Variants in PLCH1 observed in about 807,000 individuals in gnomAD.
PLCH1 encodes 1-phosphatidylinositol 4,5-bisphosphate phosphodiesterase eta-1.
PLCH1 carries 60 observed loss-of-function variants against 126.7 expected under a neutral mutation model. That is an observed-to-expected ratio of 0.47 (90% confidence interval 0.38 to 0.59). The LOEUF is 0.59. PLCH1 is among the 20% of genes least tolerant of loss of function. PLCH1 has a pLI of 0.00. For missense variants in PLCH1, 1,723 were observed against 2,040.0 expected (o/e 0.84, Z 2.99); for synonymous variants, 719 against 734.9 (o/e 0.98, Z 0.35).
intron 6 of PLCH1, among the ~76,000 whole-genome samples, chr3:155,577,509 A>G (rs997968686): frequency 2.6e-5 from 4 of 152,114 alleles, no homozygotes; most frequent in Non-Finnish European, 5.9e-5. Context: ...AATAAAGTGG[A>G]CCACATATAA....
intron 21 of PLCH1, among the ~76,000 whole-genome samples, chr3:155,458,582 G>GAAA (rs1560027635): frequency 6.7e-6 from 1 of 148,934 alleles, no homozygotes; most frequent in African/African-American, 2.5e-5. Context: ...AAGAAAGAAA[G>GAAA]GAAGAAAGAA....
At chr3:155,739,219 T>C (rs191594274) in intron 1 of PLCH1, among the ~76,000 whole-genome samples, 11 of 152,290 alleles carry the variant, frequency 7.2e-5, no homozygotes, top group Admixed American at 2.0e-4. Context: ...TTGAAAAACA[T>C]TGCAAAACAC....
chr3:155,714,055 A>C (rs1403573918), intron 1 of PLCH1, among the ~76,000 whole-genome samples: 1 of 152,180 alleles, frequency 6.6e-6, no homozygotes, highest in Admixed American at 6.5e-5. Context: ...AATATTCATA[A>C]AACAACAAGC....
At chr3:155,456,311 T>G (rs1712439155) in intron 21 of PLCH1, among the ~76,000 whole-genome samples, 1 of 143,242 alleles carries the variant, frequency 7.0e-6, no homozygotes, top group African/African-American at 2.6e-5. Flanking sequence ...TAAAATACAC[T>G]AACACTAATG....
intron 12 of PLCH1, among the ~76,000 whole-genome samples, chr3:155,505,484 G>A (rs1021297728): frequency 1.3e-5 from 2 of 152,158 alleles, no homozygotes; most frequent in South Asian, 2.1e-4. Context: ...AGAAGAAGCA[G>A]GTAACCACAT....
At chr3:155,499,118 A>G (rs1359721693) in intron 14 of PLCH1, among the ~76,000 whole-genome samples, 1 of 152,208 alleles carries the variant, frequency 6.6e-6, no homozygotes, top group East Asian at 1.9e-4. Flanking sequence ...AGTGGGTGTG[A>G]AGAGGTATTC....
chr3:155,725,212 T>G (rs1015173015), intron 1 of PLCH1, among the ~76,000 whole-genome samples: 1 of 152,176 alleles, frequency 6.6e-6, no homozygotes, highest in Admixed American at 6.5e-5. Context: ...AGAAATCTAC[T>G]GTTAATCTGA....
intron 21 of PLCH1, among the ~76,000 whole-genome samples, chr3:155,470,739 C>G (rs1377485223): frequency 6.6e-6 from 1 of 151,728 alleles, no homozygotes; most frequent in East Asian, 1.9e-4. Flanking sequence ...CGGCAGAAAC[C>G]CTACAAGCCA....
rs1415982156 is a variant in PLCH1 at position 155,543,637 on chromosome 3, AG to A, written c.1362+6149del. Reference sequence around the variant, plus strand: ...GAAAAAATGTTAAGGGCAGCCAGAGAGAAAGGTCGGGTTACCCACAAAGGGA... The same window carrying A: ...GAAAAAATGTTAAGGGCAGCCAGAGAAAAGGTCGGGTTACCCACAAAGGGA... On this transcript the variant is annotated intron_variant, in intron 10 of 22. Transcript: ENST00000460012. Among the ~76,000 whole-genome samples, 12 of 152,236 alleles carry A rather than the reference AG, an allele frequency of 7.9e-5. 1 individual carries two copies. Among genetic ancestry groups the A allele is most frequent in the African/African-American group, 2.9e-4 (12 of 41,530 alleles).
chr3:155,609,010 T>A (rs1734730127), intron 2 of PLCH1, among the ~76,000 whole-genome samples: 1 of 152,164 alleles, frequency 6.6e-6, no homozygotes, highest in Non-Finnish European at 1.5e-5. Flanking sequence ...GCAAATTCCA[T>A]CTCATGCAAC....
At chr3:155,502,366 T>C (rs73154233) in intron 13 of PLCH1, among the ~76,000 whole-genome samples, 9,247 of 152,272 alleles carry the variant, frequency 0.061, 374 homozygotes, top group South Asian at 0.087. Context: ...TCAATATTTA[T>C]TAAAATAATC....
intron 2 of PLCH1, 111 bp from the exon 3 acceptor site, chr3:155,596,489 C>T (rs1173439385): frequency 1.3e-5 from 11 of 825,814 alleles, no homozygotes; most frequent in Non-Finnish European, 2.0e-5. Context: ...ACTCCAAGGA[C>T]CAGAACAAAT....
intron 6 of PLCH1, among the ~76,000 whole-genome samples, chr3:155,579,433 AT>A (rs1199699034): frequency 6.6e-6 from 1 of 152,216 alleles, no homozygotes; most frequent in East Asian, 1.9e-4. Context: ...TATCAAAACC[AT>A]TTTATAAGTC....
chr3:155,538,968 C>T (rs577593298), intron 10 of PLCH1, among the ~76,000 whole-genome samples: 215 of 150,438 alleles, frequency 1.4e-3, no homozygotes, highest in African/African-American at 5.1e-3. Flanking sequence ...AAATTACAGA[C>T]CAATATCGCT....
chr3:155,694,277 G>C lies in PLCH1; in HGVS notation c.79+9869C>G, dbSNP rs943612119. 2.0e-5 allele frequency among the ~76,000 whole-genome samples: 3 copies of C among 152,114 alleles called. No homozygotes were observed. In the East Asian group the frequency reaches 5.8e-4, roughly 29 times the overall value. On this transcript the variant is annotated intron_variant, in intron 2 of 22. Transcript: ENST00000460012. ...TTCCCCATACCCTGGCCACACCCCAGACCAAAAAATCAGAGCCTCTGAGCT... is the reference window on the plus strand; with the variant it reads ...TTCCCCATACCCTGGCCACACCCCACACCAAAAAATCAGAGCCTCTGAGCT...
chr3:155,650,441 G>A (rs576564016), intron 2 of PLCH1, among the ~76,000 whole-genome samples: 6 of 152,236 alleles, frequency 3.9e-5, no homozygotes, highest in African/African-American at 1.4e-4. Flanking sequence ...GATCTAGTAG[G>A]AATCGCTATG....
At chr3:155,671,710 A>G (rs1005491044) in intron 2 of PLCH1, among the ~76,000 whole-genome samples, 1 of 152,190 alleles carries the variant, frequency 6.6e-6, no homozygotes, top group Non-Finnish European at 1.5e-5. Flanking sequence ...GGGATAACCA[A>G]TACAGTAACC....
intron 21 of PLCH1, among the ~76,000 whole-genome samples, chr3:155,469,885 C>T (rs893650784): frequency 6.6e-5 from 10 of 152,234 alleles, no homozygotes; most frequent in Admixed American, 6.5e-4. Flanking sequence ...AGAAGGAAAA[C>T]TAACAAACAG....
At chr3:155,653,050 C>T (rs1450798036) in intron 2 of PLCH1, among the ~76,000 whole-genome samples, 1 of 151,924 alleles carries the variant, frequency 6.6e-6, no homozygotes, top group African/African-American at 2.4e-5. Flanking sequence ...ACTACTGCCA[C>T]GTGGGTGGGT....
Sources: gnomAD v4.1 joint callset for allele counts (sites outside exome capture counted in the v4.1 genomes callset) on GRCh38, gnomAD v4.1.1 for gene constraint, MANE v1.5 for transcripts, NCBI Gene and HGNC (gene_info 2026-07-23, HGNC 2026-07-21) for gene names.